PIK3CB: variants seen among roughly 807,000 people sequenced by gnomAD.
PIK3CB encodes phosphatidylinositol-4,5-bisphosphate 3-kinase catalytic subunit beta, also known as phosphatidylinositol 4,5-bisphosphate 3-kinase catalytic subunit beta isoform.
In PIK3CB, 39 loss-of-function variants were observed where a neutral mutation model predicts 136.8. The ratio of observed to expected loss-of-function variants is 0.29; its 90% CI spans 0.22 to 0.37. The LOEUF (loss-of-function observed/expected upper bound fraction) is 0.37. Among genes scored for constraint, PIK3CB ranks in the 10% least tolerant of loss-of-function variants. PIK3CB has a pLI of 1.00. For missense variants in PIK3CB, 868 were observed against 1,275.4 expected (o/e 0.68, Z 4.87); for synonymous variants, 428 against 436.6 (o/e 0.98, Z 0.25).
chr3:138,756,999 G>C (rs1347881350), intron 3 of PIK3CB, among the ~76,000 whole-genome samples: 2 of 151,978 alleles, frequency 1.3e-5, no homozygotes, highest in African/African-American at 2.4e-5. Flanking sequence ...AGAAAACAAA[G>C]TTTAAAAATC....
intron 14 of PIK3CB, among the ~76,000 whole-genome samples, chr3:138,693,688 C>T (rs2044058499): frequency 6.6e-6 from 1 of 151,976 alleles, no homozygotes; most frequent in Non-Finnish European, 1.5e-5. Flanking sequence ...GCATAAGCCA[C>T]CACACCCAGC....
chr3:138,721,969 C>T (rs554562935), intron 8 of PIK3CB, among the ~76,000 whole-genome samples: 19 of 152,196 alleles, frequency 1.2e-4, no homozygotes, highest in African/African-American at 4.6e-4. Context: ...GTTTGTTTTA[C>T]CTTATGAGAT....
chr3:138,739,211 C>T (rs1381137487), intron 5 of PIK3CB, among the ~76,000 whole-genome samples: 1 of 151,962 alleles, frequency 6.6e-6, no homozygotes, highest in South Asian at 2.1e-4. Flanking sequence ...TTTGGGAGGC[C>T]GAGGTGGGCA....
intron 22 of PIK3CB, among the ~76,000 whole-genome samples, chr3:138,656,994 C>T (rs768832328): frequency 2.6e-5 from 4 of 152,088 alleles, no homozygotes; most frequent in South Asian, 2.1e-4. Flanking sequence ...TCTCAAACTC[C>T]GACCTCCAGT....
At chr3:138,675,140 T>C (rs1379641230) in intron 19 of PIK3CB, among the ~76,000 whole-genome samples, 1 of 152,068 alleles carries the variant, frequency 6.6e-6, no homozygotes, top group Non-Finnish European at 1.5e-5. Flanking sequence ...TTTAAATGAA[T>C]CAAACAGAAA....
At chr3:138,681,253 C>T (rs2043775391) in intron 19 of PIK3CB, among the ~76,000 whole-genome samples, 2 of 151,994 alleles carry the variant, frequency 1.3e-5, no homozygotes, top group Admixed American at 6.6e-5. Flanking sequence ...ACCATGTGGG[C>T]CAGGCTGGTC....
intron 8 of PIK3CB, among the ~76,000 whole-genome samples, chr3:138,719,026 G>T (rs954471076): frequency 1.3e-5 from 2 of 152,084 alleles, no homozygotes; most frequent in African/African-American, 4.8e-5. Context: ...TTAAGTCCAT[G>T]TCTCTGAACT....
chr3:138,807,737 T>G (rs1367959681), intron 1 of PIK3CB, among the ~76,000 whole-genome samples: 1 of 151,934 alleles, frequency 6.6e-6, no homozygotes, highest in Non-Finnish European at 1.5e-5. Flanking sequence ...CACTAAAAAT[T>G]TTAAAAATTA....
At chr3:138,693,963 ATATTAT>A (rs1223357415) in intron 14 of PIK3CB, among the ~76,000 whole-genome samples, 21 of 35,274 alleles carry the variant, frequency 6.0e-4, no homozygotes, top group African/African-American at 4.3e-3. Flanking sequence ...ATATATATAT[ATATTAT>A]ATATATATAT....
rs879921427 is a variant in PIK3CB at position 138,800,486 on chromosome 3, C to CT, written c.-121-3920dup. On this transcript the variant is annotated intron_variant, in intron 1 of 23. Transcript: ENST00000674063. ...TACAGGCGTGTGCCACCACACCCGA[C>CT]TTTTTTTTTTTTGTAGGGATGGGGT... Among the ~76,000 whole-genome samples, 712 of 144,096 alleles carry CT rather than the reference C, an allele frequency of 4.9e-3. 5 individuals carry two copies. Among genetic ancestry groups the CT allele is most frequent in the African/African-American group, 0.014 (563 of 39,588 alleles). 94.5% of individuals were successfully genotyped at this position (144,096 alleles called of 152,430 possible).
chr3:138,810,269 C>T (rs1474155403), intron 1 of PIK3CB, among the ~76,000 whole-genome samples: 1 of 152,028 alleles, frequency 6.6e-6, no homozygotes, highest in East Asian at 1.9e-4. Context: ...AGATACACCC[C>T]CATCAAGGAA....
Position 138,734,728 on chromosome 3 carries a change from T to C in PIK3CB, c.878A>G (p.Tyr293Cys), listed in dbSNP as rs952031163. 3.1e-6 allele frequency: 5 copies of C among 1,613,312 alleles called. No homozygotes were observed. Among genetic ancestry groups the C allele is most frequent in the Non-Finnish European group, 4.2e-6 (5 of 1,179,458 alleles). ...LVECCKIKKM[Y>C]EQEMIAIEAA... ...CTCTATGGCAATCATTTCTTGTTCA[T>C]ACATTTTCTTGATCTTGCAGCATTC... The change falls in exon 7 of 24, where the codon TAT (tyrosine) becomes TGT (cysteine). Residue 293 changes from tyrosine (Y) to cysteine (C), a missense_variant. By Grantham distance (194) the Tyr-to-Cys change is radical (BLOSUM62 -2). Coordinates refer to ENST00000674063, the MANE Select transcript of PIK3CB (RefSeq NM_006219.3).
intron 4 of PIK3CB, among the ~76,000 whole-genome samples, chr3:138,754,069 T>G (rs187270547): frequency 2.7e-4 from 41 of 152,316 alleles, no homozygotes; most frequent in African/African-American, 9.4e-4. Flanking sequence ...AAGTGATTTT[T>G]TTTCTTTCTT....
intron 19 of PIK3CB, among the ~76,000 whole-genome samples, chr3:138,670,272 T>C (rs2043507238): frequency 6.6e-6 from 1 of 152,214 alleles, no homozygotes; most frequent in African/African-American, 2.4e-5. Context: ...AAACAGTCTT[T>C]AGCTTAGCTT....
Position 138,704,476 on chromosome 3 carries a change from A to G in PIK3CB, c.1548T>C (p.Ala516=), listed in dbSNP as rs999778148. 1 of 1,607,380 alleles carries G rather than the reference A, an allele frequency of 6.2e-7. No individual in the cohort carries two copies. Among genetic ancestry groups the G allele is most frequent in the African/African-American group, 1.3e-5 (1 of 74,808 alleles). ...TAGCACTATCACTGCTTGCAATCTCAGCTGCCTTTTCAATAATCTGTTTAA... is the reference window on the plus strand; with the variant it reads ...TAGCACTATCACTGCTTGCAATCTCGGCTGCCTTTTCAATAATCTGTTTAA... ...PPFDKIIEKA[A]EIASSDSANV... is the part of the protein sequence containing the mutation. The change falls in exon 12 of 24, where the codon GCT becomes GCC. Residue 516 remains alanine (A), a synonymous_variant. Coordinates refer to ENST00000674063, the MANE Select transcript of PIK3CB (RefSeq NM_006219.3).
rs865909859 is a variant in PIK3CB at position 138,708,697 on chromosome 3, G to C, written c.1400-1408C>G. On this transcript the variant is annotated intron_variant, in intron 10 of 23. Coordinates refer to ENST00000674063, the MANE Select transcript of PIK3CB (RefSeq NM_006219.3). Reference sequence around the variant, plus strand: ...GCCCCAAACGATCCTCCTGCCTCAAGCACCTGAGTAACTGGGACTACAGGC... The same window carrying C: ...GCCCCAAACGATCCTCCTGCCTCAACCACCTGAGTAACTGGGACTACAGGC... Among the ~76,000 whole-genome samples, 4 of 149,018 alleles carry C rather than the reference G, an allele frequency of 2.7e-5. No homozygotes were observed. The South Asian group carries it at 6.4e-4, about 24-fold the overall frequency.
intron 2 of PIK3CB, chr3:138,777,883 A>T: frequency 4.0e-6 from 1 of 250,336 alleles, no homozygotes; most frequent in South Asian, 5.6e-5. Context: ...CTGGTCACCA[A>T]GGCTGCTTTT....
At chr3:138,685,308 C>T (rs897973343) in intron 16 of PIK3CB, among the ~76,000 whole-genome samples, 55 of 139,788 alleles carry the variant, frequency 3.9e-4, no homozygotes, top group African/African-American at 1.2e-3. Context: ...GCATAAGAAT[C>T]GCTTTAACCT....
chr3:138,669,047 T>C (rs1295277829), intron 19 of PIK3CB, among the ~76,000 whole-genome samples: 2 of 152,216 alleles, frequency 1.3e-5, no homozygotes, highest in Non-Finnish European at 2.9e-5. Context: ...TTGCATTATT[T>C]CCACCTTCTT....
Sources: allele counts gnomAD v4.1 joint callset (sites outside exome capture counted in the v4.1 genomes callset), GRCh38; gene constraint gnomAD v4.1.1; transcripts MANE v1.5; gene names NCBI Gene and HGNC (gene_info 2026-07-23, HGNC 2026-07-21).